The following NRG3 variants were observed in gnomAD, a reference collection of about 807,000 sequenced individuals.
NRG3 encodes the protein neuregulin 3.
Under a neutral mutation model 66.9 loss-of-function variants are expected in NRG3, and 31 were observed. That is an observed-to-expected ratio of 0.46 (90% confidence interval 0.35 to 0.63). The LOEUF (loss-of-function observed/expected upper bound fraction) is 0.63. NRG3 is among the 20% of genes least tolerant of loss of function. The pLI is 0.00. For missense variants in NRG3, 910 were observed against 878.9 expected (o/e 1.04, Z -0.45); for synonymous variants, 393 against 359.4 (o/e 1.09, Z -1.06).
At chr10:82,346,359 G>A (rs986969540) in intron 1 of NRG3, among the ~76,000 whole-genome samples, 5 of 145,866 alleles carry the variant, frequency 3.4e-5, no homozygotes, top group Admixed American at 6.8e-5. Flanking sequence ...TTATATGCTC[G>A]ATTATATTTA....
At chr10:82,371,870 C>T (rs994257118) in intron 2 of NRG3, among the ~76,000 whole-genome samples, 3 of 151,994 alleles carry the variant, frequency 2.0e-5, no homozygotes, top group Non-Finnish European at 4.4e-5. Context: ...AGAATGAGAG[C>T]GCACTCTCCT....
At chr10:82,562,337 T>C (rs2045107292) in intron 2 of NRG3, among the ~76,000 whole-genome samples, 2 of 152,192 alleles carry the variant, frequency 1.3e-5, no homozygotes, top group South Asian at 2.1e-4. Context: ...GTATAGCTGA[T>C]TGAGAGAACT....
At chr10:81,907,534 C>A (rs942512601) in intron 1 of NRG3, among the ~76,000 whole-genome samples, 2 of 152,060 alleles carry the variant, frequency 1.3e-5, no homozygotes, top group African/African-American at 4.8e-5. Context: ...AATGAGAGCA[C>A]TCTCTTAATT....
chr10:82,413,131 T>C (rs1440298935), intron 2 of NRG3, among the ~76,000 whole-genome samples: 1 of 152,196 alleles, frequency 6.6e-6, no homozygotes, highest in East Asian at 1.9e-4. Flanking sequence ...TTCCAGAAGG[T>C]TTTCAATTTA....
chr10:82,227,099 T>A (rs941290242), intron 1 of NRG3, among the ~76,000 whole-genome samples: 1 of 152,166 alleles, frequency 6.6e-6, no homozygotes, highest in African/African-American at 2.4e-5. Context: ...AGGTCTCTCA[T>A]GGTCCAGACA....
rs143414424 is a variant in NRG3 at position 82,086,890 on chromosome 10, A to G, written c.823+210727A>G. Among the ~76,000 whole-genome samples, 182 of 152,248 alleles carry G rather than the reference A, an allele frequency of 1.2e-3. 1 individual carries two copies. Among genetic ancestry groups the G allele is most frequent in the African/African-American group, 3.8e-3 (159 of 41,526 alleles). ...CTCGTCTATCTCAAATGCTGTATCA[A>G]TGTTGACTCTGACAATAGTAAGGGA... On this transcript the variant is annotated intron_variant, in intron 1 of 8. Coordinates refer to ENST00000372141, the MANE Select transcript of NRG3 (RefSeq NM_001010848.4).
At chr10:82,547,369 C>CT (rs2043985768) in intron 2 of NRG3, among the ~76,000 whole-genome samples, 1 of 150,848 alleles carries the variant, frequency 6.6e-6, no homozygotes, top group Non-Finnish European at 1.5e-5. Context: ...ACAAATACAT[C>CT]TATCTATATA....
At chr10:82,431,957 C>T (rs915128008) in intron 2 of NRG3, among the ~76,000 whole-genome samples, 2 of 152,148 alleles carry the variant, frequency 1.3e-5, no homozygotes, top group Non-Finnish European at 2.9e-5. Context: ...TAATCACTCT[C>T]ATAATTGCAC....
chr10:82,893,547 G>T (rs1005937223), intron 4 of NRG3, among the ~76,000 whole-genome samples: 1 of 152,120 alleles, frequency 6.6e-6, no homozygotes, highest in African/African-American at 2.4e-5. Context: ...AATTTGCTGG[G>T]TGTGTTGGCG....
At chr10:82,042,130 A>G (rs889983654) in intron 1 of NRG3, among the ~76,000 whole-genome samples, 2 of 152,156 alleles carry the variant, frequency 1.3e-5, no homozygotes, top group South Asian at 4.2e-4. Context: ...ATCTCAGTCA[A>G]AGACAGTTTG....
chr10:81,964,111 CAA>C (rs931939838), intron 1 of NRG3, among the ~76,000 whole-genome samples: 3 of 152,040 alleles, frequency 2.0e-5, no homozygotes, highest in Non-Finnish European at 2.9e-5. Flanking sequence ...GCAATGTTAT[CAA>C]TTTTGTGTAC....
chr10:82,204,055 A>G (rs2133534174), intron 1 of NRG3, among the ~76,000 whole-genome samples: 1 of 152,274 alleles, frequency 6.6e-6, no homozygotes, highest in East Asian at 1.9e-4. Context: ...CTAACTCTTT[A>G]AGGTATCATT....
intron 3 of NRG3, among the ~76,000 whole-genome samples, chr10:82,824,212 C>T (rs1279899727): frequency 6.6e-6 from 1 of 152,200 alleles, no homozygotes; most frequent in Non-Finnish European, 1.5e-5. Context: ...AACACCATTT[C>T]ATTATTTTTA....
chr10:82,493,182 G>C (rs1843309174), intron 2 of NRG3, among the ~76,000 whole-genome samples: 1 of 151,952 alleles, frequency 6.6e-6, no homozygotes. Flanking sequence ...TGTTACATAG[G>C]TAAATGTGTG....
chr10:82,304,388 C>T (rs562471999), intron 1 of NRG3, among the ~76,000 whole-genome samples: 141 of 152,258 alleles, frequency 9.3e-4, no homozygotes, highest in African/African-American at 3.0e-3. Flanking sequence ...GAAACATAAA[C>T]TCTTTGCAGA....
chr10:82,232,596 A>T (rs1414882568), intron 1 of NRG3: 1 of 596,290 alleles, frequency 1.7e-6, no homozygotes, highest in Non-Finnish European at 3.1e-6. Flanking sequence ...ACAGACTTTC[A>T]TTGTTTTTCT....
intron 2 of NRG3, among the ~76,000 whole-genome samples, chr10:82,635,322 G>A (rs2050115188): frequency 6.6e-6 from 1 of 152,110 alleles, no homozygotes; most frequent in South Asian, 2.1e-4. Context: ...ACTCCAGCTT[G>A]ACTAAAGTTC....
At chr10:82,167,533 A>C (rs1474879643) in intron 1 of NRG3, among the ~76,000 whole-genome samples, 1 of 152,132 alleles carries the variant, frequency 6.6e-6, no homozygotes, top group Admixed American at 6.6e-5. Flanking sequence ...ATTTTATAAA[A>C]TATGTATAAG....
In NRG3 at chr10:82,370,497, A is replaced by C. The variant is rs1371635413; in HGVS notation, c.953+11629A>C. Reference sequence around the variant, plus strand: ...GGCAGGATAGGGGAATGGAAAGCCAAAAGGCAACTTTTTGGGCATGAAAAC... The same window carrying C: ...GGCAGGATAGGGGAATGGAAAGCCACAAGGCAACTTTTTGGGCATGAAAAC... On this transcript the variant is annotated intron_variant, in intron 2 of 8. Transcript: ENST00000372141. Among the ~76,000 whole-genome samples the C allele has an allele frequency of 1.4e-5, 2 of 138,932 alleles. 1 individual carries two copies. The highest frequency in any genetic ancestry group is 6.6e-5 in the African/African-American group (2 of 30,166). 91.1% of individuals were successfully genotyped at this position (138,932 alleles called of 152,430 possible). A position where few individuals can be genotyped will look rare whatever the true frequency, so the allele number is the denominator to read the frequency against.
Sources: gnomAD v4.1 joint callset for allele counts (sites outside exome capture counted in the v4.1 genomes callset) on GRCh38, gnomAD v4.1.1 for gene constraint, MANE v1.5 for transcripts, NCBI Gene and HGNC (gene_info 2026-07-23, HGNC 2026-07-21) for gene names.